Variants in SYCE1L observed in about 807,000 individuals in gnomAD.
SYCE1L encodes synaptonemal complex central element protein 1 like, also known as synaptonemal complex central element protein 1-like.
In SYCE1L, 51 loss-of-function variants were observed where a neutral mutation model predicts 39.6. That is an observed-to-expected ratio of 1.29 (90% CI 1.03 to 1.63). The LOEUF (loss-of-function observed/expected upper bound fraction) is 1.63, where lower values mean the gene tolerates loss of function less well. SYCE1L is among the 40% of genes most tolerant of loss of function. The pLI is 0.00. For missense variants in SYCE1L, 426 were observed against 304.9 expected, an observed-to-expected ratio of 1.40 and a Z score of -2.96; for synonymous variants, 147 against 122.4, an observed-to-expected ratio of 1.20 and a Z score of -1.33.
At chr16:77,205,433 A>AATATATATATATATATGTATAT (rs1555502775) in intron 1 of SYCE1L, among the ~76,000 whole-genome samples, 4 of 145,260 alleles carry the variant, frequency 2.8e-5, no homozygotes, top group Admixed American at 1.4e-4. Flanking sequence ...CATAGAAGTA[A>AATATATATATATATATGTATAT]ATATATATAT....
chr16:77,210,767 A>AG (rs1192331392), intron 6 of SYCE1L, among the ~76,000 whole-genome samples: 3 of 152,186 alleles, frequency 2.0e-5, no homozygotes, highest in Non-Finnish European at 4.4e-5. Flanking sequence ...AGGCCCATGA[A>AG]GGTTCTCATT....
At chr16:77,207,002 T>C (rs987545666) in intron 2 of SYCE1L, among the ~76,000 whole-genome samples, 2 of 152,120 alleles carry the variant, frequency 1.3e-5, no homozygotes, top group Non-Finnish European at 2.9e-5. Context: ...TAAAATACTA[T>C]CACGTCAGTC....
rs886604393 is a variant in SYCE1L, at chr16:77,212,602, G to A, written c.610G>A (p.Glu204Lys). The change falls in exon 10 of 11, where the codon GAG becomes AAG. Residue 204 changes from glutamate to lysine, a missense_variant. Coordinates refer to ENST00000378644, the MANE Select transcript of SYCE1L (RefSeq NM_001129979.3). ...GLKAELEIFG[E>K]QVRSAPEVGA... ...GAAGGCGGAGCTGGAGATATTCGGG[G>A]AGCAGGTCCGGAGCGCCCCCGAGGT... The A allele has an allele frequency of 1.3e-6, 2 of 1,536,296 alleles. No homozygotes were observed. The highest frequency in any genetic ancestry group is 2.4e-5 in the East Asian group (1 of 40,844).
chr16:77,209,333 T>A (rs1455531479), intron 5 of SYCE1L, 84 bp from the exon 6 acceptor site: 3 of 1,459,874 alleles, frequency 2.1e-6, no homozygotes, highest in African/African-American at 2.8e-5. Context: ...CTCCAATGCC[T>A]GACATGATGT....
At position 77,208,470 on chromosome 16, in the gene SYCE1L, A is replaced by T; in HGVS notation, c.187A>T (p.Lys63Ter). ...TTTTTCCCTTCTTGGCCCAGCAAAG[A>T]AGAAATCCAGTGAGGAACTGAGAGA... ...SRINDLQQAK[K>*]KSSEELRETH... The change falls in exon 4 of 11, where the codon AAG becomes TAG. Residue 63 changes from lysine (K) to a stop codon, truncating the protein, a stop_gained. Transcript: ENST00000378644. LOFTEE classifies it high-confidence loss of function. The T allele has an allele frequency of 1.3e-6, 2 of 1,551,708 alleles. No homozygotes were observed. Among genetic ancestry groups the T allele is most frequent in the Non-Finnish European group, 1.7e-6 (2 of 1,147,006 alleles).
chr16:77,207,758 G>A (rs2054795317), intron 2 of SYCE1L, among the ~76,000 whole-genome samples: 2 of 152,056 alleles, frequency 1.3e-5, no homozygotes, highest in Admixed American at 6.6e-5. Context: ...GCCCCTCACT[G>A]TTACTTTGGA....
chr16:77,204,911 G>T (rs78833012), intron 1 of SYCE1L, among the ~76,000 whole-genome samples: 1,972 of 152,010 alleles, frequency 0.013, 53 homozygotes, highest in African/African-American at 0.045. Context: ...CAGGTGAGGC[G>T]GCGTGCGCCT....
intron 1 of SYCE1L, among the ~76,000 whole-genome samples, chr16:77,203,610 G>A (rs926939675): frequency 3.3e-4 from 7 of 21,462 alleles, no homozygotes; most frequent in African/African-American, 1.1e-3. Context: ...TTTTTTTTTT[G>A]AGATGTAGTT....
At chr16:77,202,627 G>A (rs148933926) in intron 1 of SYCE1L, among the ~76,000 whole-genome samples, 5 of 152,296 alleles carry the variant, frequency 3.3e-5, no homozygotes, top group Non-Finnish European at 7.3e-5. Flanking sequence ...TGTATAGCCT[G>A]GGTATTAGGA....
chr16:77,212,970 C>T lies in SYCE1L; in HGVS notation c.*39C>T, dbSNP rs2054837402. 7 of 1,457,172 alleles carry T rather than the reference C, an allele frequency of 4.8e-6. No homozygotes were observed. Among genetic ancestry groups the T allele is most frequent in the South Asian group, 4.0e-5 (3 of 75,646 alleles). 90.3% of individuals were successfully genotyped at this position (1,457,172 alleles called of 1,614,324 possible). ...GCCCGTTCCCGACCTTCCCTCGAGA[C>T]CCGCCAAGAAATAAAGGCGATGATT... is the stretch of plus-strand genomic sequence containing the variant. On this transcript the variant is annotated 3_prime_UTR_variant, in exon 11 of 11. Coordinates refer to ENST00000378644, the MANE Select transcript of SYCE1L (RefSeq NM_001129979.3).
At chr16:77,203,955 A>G (rs1194101689) in intron 1 of SYCE1L, among the ~76,000 whole-genome samples, 1 of 152,112 alleles carries the variant, frequency 6.6e-6, no homozygotes, top group Non-Finnish European at 1.5e-5. Context: ...ATTATTAATT[A>G]TGTCCTTAAG....
chr16:77,206,114 T>G (rs1470066122), intron 1 of SYCE1L, among the ~76,000 whole-genome samples: 1 of 152,184 alleles, frequency 6.6e-6, no homozygotes, highest in Non-Finnish European at 1.5e-5. Context: ...TTGTTCTGGT[T>G]AGAACTTCAT....
chr16:77,204,680 T>G (rs1177585935), intron 1 of SYCE1L, among the ~76,000 whole-genome samples: 3 of 152,286 alleles, frequency 2.0e-5, no homozygotes, highest in East Asian at 3.9e-4. Flanking sequence ...AAAAGATCAC[T>G]GGTGTACATT....
intron 2 of SYCE1L, among the ~76,000 whole-genome samples, chr16:77,206,794 C>T (rs1169340378): frequency 6.6e-6 from 1 of 151,714 alleles, no homozygotes; most frequent in African/African-American, 2.4e-5. Flanking sequence ...TCTTAAGTAT[C>T]TTTCCAGAGA....
At position 77,209,143 on chromosome 16, in the gene SYCE1L, A is replaced by T. The variant is rs778650610; in HGVS notation, c.303A>T (p.Gln101His). The T allele has an allele frequency of 1.8e-5, 28 of 1,551,722 alleles. No individual in the cohort carries two copies. In the South Asian group the frequency reaches 3.1e-4, roughly 17 times the overall value. The change falls in exon 5 of 11, where the codon CAA (glutamine) becomes CAT (histidine). Residue 101 changes from glutamine to histidine, a missense_variant and splice_region_variant. By Grantham distance (24) the Gln-to-His change is conservative (BLOSUM62 0). Transcript: ENST00000378644. ...VHLEEVLGKK[Q>H]EALRILQMHC... The stretch of plus-strand genomic sequence containing the variant: ...TAGAGGAGGTCTTGGGCAAAAAGCA[A>T]GGTATTTACCAGTTGCTGTGTCTTC...
rs759812945 is a variant in SYCE1L, at chr16:77,212,646, G to C, written c.654G>C (p.Glu218Asp). 17 of 1,533,872 alleles carry C rather than the reference G, an allele frequency of 1.1e-5. No individual in the cohort carries two copies. In the South Asian group the frequency reaches 1.4e-4, roughly 13 times the overall value. Residue 218 changes from glutamate (E) to aspartate (D), a missense_variant and splice_region_variant, in exon 10 of 11, where the codon GAG (glutamate) becomes GAC (aspartate). Glu to Asp is a conservative substitution (Grantham distance 45). Transcript: ENST00000378644. Reference protein sequence around the residue: ...SAPEVGAGEGEAGPELPRARD... With the variant: ...SAPEVGAGEGDAGPELPRARD... ...CCGAGGTCGGGGCCGGCGAGGGAGA[G>C]GTAGGGAGCCCGAGGAAGGGAGGCG...
chr16:77,202,596 T>C (rs2054754235), intron 1 of SYCE1L, among the ~76,000 whole-genome samples: 1 of 152,178 alleles, frequency 6.6e-6, no homozygotes, highest in Admixed American at 6.6e-5. Context: ...AAAAAAGATG[T>C]GGAGACAATT....
intron 1 of SYCE1L, among the ~76,000 whole-genome samples, chr16:77,203,208 A>T (rs13331922): frequency 0.016 from 2,451 of 152,318 alleles, 60 homozygotes; most frequent in African/African-American, 0.057. Context: ...TTACTAAAAG[A>T]CCAAGTGTTG....
Position 77,212,637 on chromosome 16 carries a change from C to T in SYCE1L, c.645C>T (p.Gly215=), listed in dbSNP as rs957707824. 8 of 1,533,052 alleles carry T rather than the reference C, an allele frequency of 5.2e-6. No individual in the cohort carries two copies. In the African/African-American group the frequency reaches 5.5e-5, roughly 11 times the overall value. 95.0% of individuals were successfully genotyped at this position (1,533,052 alleles called of 1,614,324 possible). Residue 215 remains glycine, a synonymous_variant, in exon 10 of 11, where the codon GGC becomes GGT. Coordinates refer to ENST00000378644, the MANE Select transcript of SYCE1L (RefSeq NM_001129979.3). ...GGAGCGCCCCCGAGGTCGGGGCCGG[C>T]GAGGGAGAGGTAGGGAGCCCGAGGA... ...QVRSAPEVGA[G]EGEAGPELPR...
Sources: allele counts gnomAD v4.1 joint callset (sites outside exome capture counted in the v4.1 genomes callset), GRCh38; gene constraint gnomAD v4.1.1; transcripts MANE v1.5; gene names NCBI Gene and HGNC (gene_info 2026-07-23, HGNC 2026-07-21).